The following KCTD8 variants were observed in gnomAD, a reference collection of about 807,000 sequenced individuals.
KCTD8 encodes the protein potassium channel tetramerization domain containing 8.
In KCTD8, 27 loss-of-function variants were observed where a neutral mutation model predicts 31.5. The observed-to-expected ratio is 0.86, with a 90% CI of 0.63 to 1.18. KCTD8 has a LOEUF of 1.18. KCTD8 is among the 50% of genes most tolerant of loss of function. The probability of loss-of-function intolerance (pLI) is 0.00; values close to 1 mark genes in which losing one functional copy is unlikely to be tolerated. For synonymous variants in KCTD8, 290 were observed against 280.0 expected (o/e 1.04, Z -0.36); for missense variants, 658 against 647.7 (o/e 1.02, Z -0.17).
chr4:44,294,412 G>A (rs1207637763), intron 1 of KCTD8, among the ~76,000 whole-genome samples: 1 of 152,122 alleles, frequency 6.6e-6, no homozygotes, highest in Non-Finnish European at 1.5e-5. Context: ...TTTTCTCATT[G>A]TAATGGAAAA....
chr4:44,291,960 G>GAA (rs571458412), intron 1 of KCTD8, among the ~76,000 whole-genome samples: 76 of 88,340 alleles, frequency 8.6e-4, no homozygotes, highest in East Asian at 2.8e-3. Context: ...TGGCTATTAT[G>GAA]AAAAAAAAAA....
intron 1 of KCTD8, among the ~76,000 whole-genome samples, chr4:44,413,809 G>A (rs540404391): frequency 1.3e-5 from 2 of 152,014 alleles, no homozygotes; most frequent in African/African-American, 4.8e-5. Context: ...TTAAGGTGGA[G>A]GGATAATCCT....
intron 1 of KCTD8, among the ~76,000 whole-genome samples, chr4:44,292,590 A>T (rs1237042748): frequency 6.6e-6 from 1 of 152,172 alleles, no homozygotes; most frequent in Non-Finnish European, 1.5e-5. Context: ...TACCCATGTA[A>T]CAAACCTGCA....
chr4:44,394,442 T>G (rs1341860621), intron 1 of KCTD8, among the ~76,000 whole-genome samples: 5 of 152,042 alleles, frequency 3.3e-5, no homozygotes, highest in Non-Finnish European at 1.5e-5. Context: ...AAAATACCCT[T>G]TGGTCTTTTT....
At chr4:44,264,909 C>T (rs984490126) in intron 1 of KCTD8, among the ~76,000 whole-genome samples, 1 of 152,188 alleles carries the variant, frequency 6.6e-6, no homozygotes, top group African/African-American at 2.4e-5. Flanking sequence ...GGGTGGAGCC[C>T]ACCACAGCTC....
intron 1 of KCTD8, among the ~76,000 whole-genome samples, chr4:44,264,809 A>T (rs1716290463): frequency 1.3e-5 from 2 of 152,178 alleles, no homozygotes; most frequent in Admixed American, 1.3e-4. Flanking sequence ...GTCTGAGATC[A>T]AACTGCAAGG....
chr4:44,397,300 A>C (rs1720529949), intron 1 of KCTD8, among the ~76,000 whole-genome samples: 1 of 152,166 alleles, frequency 6.6e-6, no homozygotes, highest in Non-Finnish European at 1.5e-5. Context: ...AAGTTCCTTG[A>C]CTATAAGTAG....
intron 1 of KCTD8, among the ~76,000 whole-genome samples, chr4:44,222,953 A>G (rs1373139043): frequency 1.3e-5 from 2 of 152,226 alleles, no homozygotes; most frequent in African/African-American, 4.8e-5. Flanking sequence ...CTTGTAAGTT[A>G]TGATGTGGAA....
At chr4:44,322,580 A>G (rs1023397740) in intron 1 of KCTD8, among the ~76,000 whole-genome samples, 1 of 151,762 alleles carries the variant, frequency 6.6e-6, no homozygotes, top group Admixed American at 6.6e-5. Flanking sequence ...TTTGCTGTGC[A>G]TTTTAGCTTG....
rs148618146 is a variant in KCTD8 at position 44,441,402 on chromosome 4, A to G, written c.961+6161T>C. Among the ~76,000 whole-genome samples the G allele has an allele frequency of 9.5e-4, 144 of 152,254 alleles. 1 individual carries two copies. The highest frequency in any genetic ancestry group is 3.4e-3 in the African/African-American group (140 of 41,556). ...TACGATAGCATTAATCCATAAAATA[A>G]CCCTTCCAGCAAGACATAAAGTATA... On this transcript the variant is annotated intron_variant, in intron 1 of 1. Transcript: ENST00000360029.
intron 1 of KCTD8, among the ~76,000 whole-genome samples, chr4:44,290,777 C>T (rs1717248302): frequency 6.6e-6 from 1 of 151,958 alleles, no homozygotes. Context: ...ATTAGAGACA[C>T]ATCTTACCAA....
intron 1 of KCTD8, among the ~76,000 whole-genome samples, chr4:44,403,968 C>T (rs549419864): frequency 6.6e-6 from 1 of 152,012 alleles, no homozygotes; most frequent in African/African-American, 2.4e-5. Context: ...ATATAACCAC[C>T]TTCGTACTTA....
At chr4:44,316,817 A>AAAAAAAAAAAAAAAAAC (rs1718129816) in intron 1 of KCTD8, among the ~76,000 whole-genome samples, 1 of 137,462 alleles carries the variant, frequency 7.3e-6, no homozygotes, top group Non-Finnish European at 1.5e-5. Context: ...AAAAAAAAAA[A>AAAAAAAAAAAAAAAAAC]AAAAAAGAAG....
In KCTD8 at chr4:44,425,456, T is replaced by C. The variant is rs1168788280; in HGVS notation, c.961+22107A>G. On this transcript the variant is annotated intron_variant, in intron 1 of 1. Coordinates refer to ENST00000360029, the MANE Select transcript of KCTD8 (RefSeq NM_198353.3). The stretch of plus-strand genomic sequence containing the variant: ...TTCATTTAATAAAAATAAGGAGATA[T>C]TTCATTTTGGCTTGGAAACAAAATA... 2.6e-5 allele frequency among the ~76,000 whole-genome samples: 4 copies of C among 152,136 alleles called. No individual in the cohort carries two copies. In the East Asian group the frequency reaches 7.7e-4, roughly 29 times the overall value.
At chr4:44,409,172 C>T (rs1028972755) in intron 1 of KCTD8, among the ~76,000 whole-genome samples, 3 of 149,450 alleles carry the variant, frequency 2.0e-5, no homozygotes, top group Admixed American at 6.7e-5. Context: ...ATGTGGTGAG[C>T]GTGATTGTGC....
At chr4:44,447,478 C>G in intron 1 of KCTD8, 85 bp downstream of exon 1, 1 of 1,434,274 alleles carries the variant, frequency 7.0e-7, no homozygotes, top group Non-Finnish European at 9.1e-7. Flanking sequence ...CCGGACACCC[C>G]CGCGGGGCCT....
chr4:44,295,230 A>G (rs541249871), intron 1 of KCTD8, among the ~76,000 whole-genome samples: 2 of 152,294 alleles, frequency 1.3e-5, no homozygotes, highest in Non-Finnish European at 2.9e-5. Flanking sequence ...CAGGAATTAG[A>G]GGCCTCAGTG....
chr4:44,182,528 C>G, intron 1 of KCTD8, among the ~76,000 whole-genome samples: 1 of 152,178 alleles, frequency 6.6e-6, no homozygotes, highest in Non-Finnish European at 1.5e-5. Context: ...TGTGTCCACT[C>G]AGGGTTAAAT....
intron 1 of KCTD8, among the ~76,000 whole-genome samples, chr4:44,337,326 T>A (rs1053499808): frequency 6.6e-6 from 1 of 152,180 alleles, no homozygotes; most frequent in Non-Finnish European, 1.5e-5. Context: ...AATTACGTTA[T>A]TTTAAAAGTA....
Sources: allele counts gnomAD v4.1 joint callset (sites outside exome capture counted in the v4.1 genomes callset), GRCh38; gene constraint gnomAD v4.1.1; transcripts MANE v1.5; gene names NCBI Gene and HGNC (gene_info 2026-07-23, HGNC 2026-07-21).